The following INPP4A variants were observed in gnomAD, a reference collection of about 807,000 sequenced individuals.
INPP4A encodes inositol polyphosphate-4-phosphatase, type I, 107kD.
In INPP4A, 33 loss-of-function variants were observed where a neutral mutation model predicts 119.8. That is an observed-to-expected ratio of 0.28 (90% confidence interval 0.21 to 0.37). INPP4A has a LOEUF of 0.37. Among genes scored for constraint, INPP4A ranks in the 10% least tolerant of loss-of-function variants. The pLI is 1.00. For missense variants in INPP4A, 956 were observed against 1,289.9 expected, an observed-to-expected ratio of 0.74 and a Z score of 3.97; for synonymous variants, 496 against 500.7, an observed-to-expected ratio of 0.99 and a Z score of 0.12.
At chr2:98,581,065 T>C (rs1357267243) in intron 24 of INPP4A, among the ~76,000 whole-genome samples, 1 of 152,206 alleles carries the variant, frequency 6.6e-6, no homozygotes. Flanking sequence ...AAATGGTTTT[T>C]GTTTGCGTGG....
Position 98,587,823 on chromosome 2 carries a change from T to C in INPP4A, c.*215T>C, listed in dbSNP as rs1700100972. The C allele has an allele frequency of 2.3e-6, 1 of 444,090 alleles. No individual in the cohort carries two copies. The highest frequency in any genetic ancestry group is 3.9e-6 in the Non-Finnish European group (1 of 254,548). 27.5% of individuals were successfully genotyped at this position (444,090 alleles called of 1,614,324 possible). On this transcript the variant is annotated 3_prime_UTR_variant, in exon 25 of 25. Transcript: ENST00000409851. ...TAGGAGGTAATGTTTGGCTCAATAG[T>C]GTGGATAGTAACAACTGCCTATTTA...
chr2:98,561,391 C>T (rs928513526), intron 17 of INPP4A, among the ~76,000 whole-genome samples: 6 of 152,162 alleles, frequency 3.9e-5, no homozygotes, highest in Admixed American at 6.5e-5. Flanking sequence ...CTAGATCCTG[C>T]GTGGAAATCA....
intron 1 of INPP4A, among the ~76,000 whole-genome samples, chr2:98,458,633 T>A (rs1696578129): frequency 6.6e-6 from 1 of 152,196 alleles, no homozygotes; most frequent in Non-Finnish European, 1.5e-5. Context: ...TGTGCTGTTC[T>A]GTGTGTTTTT....
intron 13 of INPP4A, among the ~76,000 whole-genome samples, chr2:98,548,499 T>C (rs1468824543): frequency 1.3e-5 from 2 of 152,126 alleles, no homozygotes; most frequent in African/African-American, 2.4e-5. Context: ...GGAGAACCCA[T>C]AGTAACTCTG....
rs1370618935 is a variant in INPP4A at position 98,591,626 on chromosome 2, GTC to G, written c.*4022_*4023del. The G allele has an allele frequency of 6.6e-6, 1 of 152,180 alleles. No individual in the cohort carries two copies. Among genetic ancestry groups the G allele is most frequent in the African/African-American group, 2.4e-5 (1 of 41,420 alleles). The allele number at this position is 152,180 out of a possible 1,614,324, so 9.4% of individuals were successfully genotyped here. A position where few individuals can be genotyped will look rare whatever the true frequency, so the allele number is the denominator to read the frequency against. ...GTGCTGCGCTTCAGTTTCCTGTTGA[GTC>G]TCTGCTTAGTAGATGACTTGGCACA... On this transcript the variant is annotated 3_prime_UTR_variant, in exon 25 of 25. Transcript: ENST00000409851.
chr2:98,474,841 G>A (rs1298968924), intron 1 of INPP4A, among the ~76,000 whole-genome samples: 1 of 152,082 alleles, frequency 6.6e-6, no homozygotes, highest in Non-Finnish European at 1.5e-5. Context: ...GGGCCCTGGG[G>A]GATACAAAAG....
intron 4 of INPP4A, among the ~76,000 whole-genome samples, chr2:98,522,432 G>C (rs574423728): frequency 6.6e-6 from 1 of 151,810 alleles, no homozygotes; most frequent in East Asian, 1.9e-4. Flanking sequence ...AAATATGATA[G>C]ACAAAATTTA....
chr2:98,457,318 G>A (rs774685266), intron 1 of INPP4A, among the ~76,000 whole-genome samples: 6 of 152,224 alleles, frequency 3.9e-5, no homozygotes, highest in Non-Finnish European at 8.8e-5. Flanking sequence ...AGCTACTTGG[G>A]AGACCGAGGC....
chr2:98,474,036 G>C (rs1429242414), intron 1 of INPP4A, among the ~76,000 whole-genome samples: 1 of 152,132 alleles, frequency 6.6e-6, no homozygotes, highest in African/African-American at 2.4e-5. Flanking sequence ...TGAGCCCTTC[G>C]GGGGCAGTCT....
chr2:98,476,673 C>T (rs1312825643), intron 1 of INPP4A, among the ~76,000 whole-genome samples: 1 of 152,178 alleles, frequency 6.6e-6, no homozygotes, highest in Non-Finnish European at 1.5e-5. Context: ...GCCCACCTCC[C>T]TCTGCGCTCA....
At chr2:98,467,675 A>T (rs1019328852) in intron 1 of INPP4A, among the ~76,000 whole-genome samples, 2 of 152,190 alleles carry the variant, frequency 1.3e-5, no homozygotes, top group African/African-American at 4.8e-5. Flanking sequence ...CATCCCACAC[A>T]TACACTTGCA....
chr2:98,490,808 C>A (rs1202350274), intron 1 of INPP4A, among the ~76,000 whole-genome samples: 1 of 152,208 alleles, frequency 6.6e-6, no homozygotes, highest in Non-Finnish European at 1.5e-5. Context: ...TCCGGCCAAA[C>A]AACAGCTTGA....
At chr2:98,492,934 C>T (rs1681144597) in intron 1 of INPP4A, among the ~76,000 whole-genome samples, 1 of 152,132 alleles carries the variant, frequency 6.6e-6, no homozygotes, top group Non-Finnish European at 1.5e-5. Context: ...GCAGCACCTC[C>T]TACATGACAG....
intron 1 of INPP4A, among the ~76,000 whole-genome samples, chr2:98,497,610 A>G (rs977182386): frequency 1.3e-5 from 2 of 152,230 alleles, no homozygotes; most frequent in African/African-American, 4.8e-5. Flanking sequence ...TGTTTTCTGC[A>G]GTTGAGTTGT....
intron 1 of INPP4A, among the ~76,000 whole-genome samples, chr2:98,489,544 C>T (rs530516603): frequency 3.2e-4 from 49 of 152,190 alleles, no homozygotes; most frequent in Non-Finnish European, 6.3e-4. Flanking sequence ...ATTTACACAC[C>T]GTCTGTCGAT....
chr2:98,492,606 G>A (rs147183534), intron 1 of INPP4A, among the ~76,000 whole-genome samples: 31 of 152,234 alleles, frequency 2.0e-4, no homozygotes, highest in Admixed American at 2.0e-3. Flanking sequence ...AGACCTGGGA[G>A]CCCTTTAGGG....
chr2:98,496,713 T>C lies in INPP4A; in HGVS notation c.-165-22251T>C, dbSNP rs111629036. ...TTTAAAAATGGGCAAAAGACCTGAA[T>C]AGACATTTCCCAAAAGAAGACATGC... On this transcript the variant is annotated intron_variant, in intron 1 of 24. Transcript: ENST00000409851. 3.5e-3 allele frequency among the ~76,000 whole-genome samples: 533 copies of C among 152,312 alleles called. 4 individuals are homozygous for C. The highest frequency in any genetic ancestry group is 9.7e-3 in the Admixed American group (149 of 15,298).
Position 98,564,676 on chromosome 2 carries a change from A to G in INPP4A, c.2065A>G (p.Arg689Gly). 1 of 1,613,122 alleles carries G rather than the reference A, an allele frequency of 6.2e-7. No individual in the cohort carries two copies. Among genetic ancestry groups the G allele is most frequent in the Non-Finnish European group, 8.5e-7 (1 of 1,179,630 alleles). Reference protein sequence around the residue: ...ALICGFIIKLRNCLHDDGFLR... With the variant: ...ALICGFIIKLGNCLHDDGFLR... ...CATCTGCGGCTTCATCATTAAGCTG[A>G]GGAACTGCCTGCATGACGACGGCTT... Residue 689 changes from arginine (R) to glycine (G), a missense_variant, in exon 19 of 25, where the codon AGG becomes GGG. Arg to Gly is a moderately radical substitution (Grantham distance 125). Transcript: ENST00000409851.
chr2:98,587,892 G>T lies in INPP4A; in HGVS notation c.*284G>T. ...TGTAACTACACAGATCTCATCAATAGTTACCTACATGAATCAAGCTAGGTT... is the reference window on the plus strand; with the variant it reads ...TGTAACTACACAGATCTCATCAATATTTACCTACATGAATCAAGCTAGGTT... On this transcript the variant is annotated 3_prime_UTR_variant, in exon 25 of 25. Transcript: ENST00000409851. 3.6e-6 allele frequency: 1 copy of T among 280,214 alleles called. No individual in the cohort carries two copies. The highest frequency in any genetic ancestry group is 6.6e-6 in the Non-Finnish European group (1 of 150,676). The allele number at this position is 280,214 out of a possible 1,614,324, so 17.4% of individuals were successfully genotyped here.
Sources: gnomAD v4.1 joint callset for allele counts (sites outside exome capture counted in the v4.1 genomes callset) on GRCh38, gnomAD v4.1.1 for gene constraint, MANE v1.5 for transcripts, NCBI Gene and HGNC (gene_info 2026-07-23, HGNC 2026-07-21) for gene names.